The following CASR variants were observed in gnomAD, a reference collection of about 807,000 sequenced individuals.
CASR encodes the protein calcium sensing receptor.
Under a neutral mutation model 69.1 loss-of-function variants are expected in CASR, and 23 were observed. The ratio of observed to expected loss-of-function variants is 0.33; its 90% CI spans 0.24 to 0.47. The LOEUF (loss-of-function observed/expected upper bound fraction) is 0.47. Among genes scored for constraint, CASR ranks in the 20% least tolerant of loss-of-function variants. The pLI is 1.00. For missense variants in CASR, 924 were observed against 1,356.1 expected (o/e 0.68, Z 5.00); for synonymous variants, 541 against 544.7 (o/e 0.99, Z 0.10).
chr3:122,219,956 A>C (rs1400252805), intron 1 of CASR, among the ~76,000 whole-genome samples: 1 of 152,126 alleles, frequency 6.6e-6, no homozygotes, highest in Non-Finnish European at 1.5e-5. Flanking sequence ...TTTCCACATG[A>C]GGTAAAATAT....
intron 2 of CASR, among the ~76,000 whole-genome samples, chr3:122,256,754 A>G (rs2074558732): frequency 6.6e-6 from 1 of 152,136 alleles, no homozygotes; most frequent in Non-Finnish European, 1.5e-5. Flanking sequence ...TGTAGCTGGG[A>G]TTACAGACAC....
chr3:122,236,653 G>C (rs2074331792), intron 1 of CASR, among the ~76,000 whole-genome samples: 1 of 152,154 alleles, frequency 6.6e-6, no homozygotes, highest in Non-Finnish European at 1.5e-5. Context: ...GCCAAATTGT[G>C]GAGTTATGGA....
At chr3:122,238,604 G>T (rs1169494834) in intron 1 of CASR, among the ~76,000 whole-genome samples, 1 of 152,222 alleles carries the variant, frequency 6.6e-6, no homozygotes. Context: ...GTGGCTAAGG[G>T]AGTGCTTGTT....
intron 5 of CASR, among the ~76,000 whole-genome samples, chr3:122,280,732 TG>T (rs1195855068): frequency 6.6e-6 from 1 of 152,244 alleles, no homozygotes; most frequent in Non-Finnish European, 1.5e-5. Flanking sequence ...CAGTCATTTC[TG>T]CTAGAAACAA....
At chr3:122,198,394 G>C (rs577661190) in intron 1 of CASR, among the ~76,000 whole-genome samples, 25 of 152,190 alleles carry the variant, frequency 1.6e-4, no homozygotes, top group African/African-American at 6.0e-4. Context: ...TGAATTACTA[G>C]GAGTCATTAA....
chr3:122,231,662 T>C (rs2074279412), intron 1 of CASR, among the ~76,000 whole-genome samples: 1 of 151,886 alleles, frequency 6.6e-6, no homozygotes, highest in Admixed American at 6.6e-5. Flanking sequence ...AACATCTGAA[T>C]TGGAAGAAAT....
In CASR at chr3:122,262,151, C is replaced by G. The variant is rs539867627; in HGVS notation, c.1116C>G (p.Thr372=). 2.5e-6 allele frequency: 4 copies of G among 1,614,176 alleles called. No individual in the cohort carries two copies. Among genetic ancestry groups the G allele is most frequent in the African/African-American group, 2.7e-5 (2 of 75,042 alleles). Residue 372 remains threonine, a synonymous_variant, in exon 4 of 7, where the codon ACC becomes ACG. Coordinates refer to ENST00000639785, the MANE Select transcript of CASR (RefSeq NM_000388.4). ...EGAKGPLPVD[T]FLRGHEESGD... ...CAAAAGGACCTTTACCTGTGGACAC[C>G]TTTCTGAGAGGTCACGAAGAAAGTG...
chr3:122,185,403 G>T (rs997483770), intron 1 of CASR, among the ~76,000 whole-genome samples: 2 of 152,146 alleles, frequency 1.3e-5, no homozygotes, highest in Non-Finnish European at 2.9e-5. Context: ...TCACAAGGTG[G>T]TCCTCAGGGT....
intron 1 of CASR, among the ~76,000 whole-genome samples, chr3:122,205,322 A>G (rs1296200183): frequency 6.6e-6 from 1 of 152,098 alleles, no homozygotes; most frequent in African/African-American, 2.4e-5. Flanking sequence ...AGCACCACTT[A>G]TTGAAGAGAC....
rs1182035564 is a variant in CASR at position 122,289,712 on chromosome 3, T to A, written c.*4521T>A. 5 of 152,214 alleles carry A rather than the reference T, an allele frequency of 3.3e-5. No individual in the cohort carries two copies. The highest frequency in any genetic ancestry group is 1.3e-4 in the Admixed American group (2 of 15,246). The allele number at this position is 152,214 out of a possible 1,614,324, so 9.4% of individuals were successfully genotyped here. ...CTGTTGGGAATAACCACCACATTCA[T>A]CCCCTCCCCTGACCCCTGGACAAGA... On this transcript the variant is annotated 3_prime_UTR_variant, in exon 7 of 7. Transcript: ENST00000639785.
intron 1 of CASR, chr3:122,184,348 C>G (rs34250791): frequency 0.12 from 17,648 of 152,828 alleles, 1,201 homozygotes; most frequent in Non-Finnish European, 0.16. Flanking sequence ...CTGCTGTGGC[C>G]GGACCCGAAG....
intron 1 of CASR, among the ~76,000 whole-genome samples, chr3:122,198,648 ATGT>A (rs34139095): frequency 0.17 from 26,430 of 151,764 alleles, 2,356 homozygotes; most frequent in African/African-American, 0.21. Context: ...CAGTTAGGAA[ATGT>A]TGTTTTTTAG....
chr3:122,281,517 T>C (rs1401222581), intron 5 of CASR, among the ~76,000 whole-genome samples: 1 of 152,250 alleles, frequency 6.6e-6, no homozygotes, highest in African/African-American at 2.4e-5. Flanking sequence ...AGGTTTTTTG[T>C]TACCCTTTTT....
intron 1 of CASR, among the ~76,000 whole-genome samples, chr3:122,237,619 C>T (rs1016903958): frequency 8.6e-5 from 13 of 152,022 alleles, no homozygotes; most frequent in Admixed American, 3.3e-4. Context: ...TTTATTAATA[C>T]GATATTAAGT....
intron 5 of CASR, among the ~76,000 whole-genome samples, chr3:122,278,371 G>A (rs1420154595): frequency 6.6e-6 from 1 of 152,216 alleles, no homozygotes; most frequent in Non-Finnish European, 1.5e-5. Context: ...CAGATGGTCA[G>A]TATAAAAGCT....
chr3:122,287,609 T>A lies in CASR; in HGVS notation c.*2418T>A, dbSNP rs141384454. On this transcript the variant is annotated 3_prime_UTR_variant, in exon 7 of 7. Coordinates refer to ENST00000639785, the MANE Select transcript of CASR (RefSeq NM_000388.4). ...CAGGAGGGCTTTTGTAATGTTGGGG[T>A]GGGCCTCCTCAGTCATCAGCAGCTC... 25 of 152,366 alleles carry A rather than the reference T, an allele frequency of 1.6e-4. No individual in the cohort carries two copies. Among genetic ancestry groups the A allele is most frequent in the African/African-American group, 5.8e-4 (24 of 41,556 alleles). 9.4% of individuals were successfully genotyped at this position (152,366 alleles called of 1,614,324 possible).
At chr3:122,221,674 C>T (rs554003982) in intron 1 of CASR, among the ~76,000 whole-genome samples, 42 of 152,262 alleles carry the variant, frequency 2.8e-4, no homozygotes, top group African/African-American at 8.2e-4. Flanking sequence ...ATCTCTAGTA[C>T]ACCAGTGAAC....
At chr3:122,277,982 G>A (rs879542881) in intron 5 of CASR, among the ~76,000 whole-genome samples, 19 of 152,194 alleles carry the variant, frequency 1.2e-4, no homozygotes, top group Middle Eastern at 3.4e-3. Flanking sequence ...TACCTCAAAC[G>A]TAGCACACAA....
intron 4 of CASR, among the ~76,000 whole-genome samples, chr3:122,270,714 A>G (rs1398151645): frequency 6.6e-6 from 1 of 152,146 alleles, no homozygotes; most frequent in Admixed American, 6.5e-5. Flanking sequence ...TTTTAATTCA[A>G]TTTAAAATAC....
Sources: gnomAD v4.1 joint callset for allele counts (sites outside exome capture counted in the v4.1 genomes callset) on GRCh38, gnomAD v4.1.1 for gene constraint, MANE v1.5 for transcripts, NCBI Gene and HGNC (gene_info 2026-07-23, HGNC 2026-07-21) for gene names.